MPP2: variants seen among roughly 807,000 people sequenced by gnomAD.
MPP2 encodes MAGUK p55 subfamily member 2.
MPP2 carries 42 observed loss-of-function variants against 58.5 expected under a neutral mutation model. The observed-to-expected ratio is 0.72, with a 90% CI of 0.56 to 0.93. The LOEUF is 0.93. MPP2 is among the 40% of genes least tolerant of loss of function. The pLI, the probability that MPP2 is intolerant of heterozygous loss-of-function variation, is 0.00. For missense variants in MPP2, 632 were observed against 760.4 expected, an observed-to-expected ratio of 0.83 and a Z score of 1.99; for synonymous variants, 300 against 307.8, an observed-to-expected ratio of 0.97 and a Z score of 0.26.
At chr17:43,899,158 A>G (rs1040115134) in intron 2 of MPP2, among the ~76,000 whole-genome samples, 2 of 152,134 alleles carry the variant, frequency 1.3e-5, no homozygotes, top group African/African-American at 4.8e-5. Flanking sequence ...GAGGCAGGAA[A>G]ATCGCTTGAA....
chr17:43,908,734 G>A (rs2048373233), upstream of MPP2, among the ~76,000 whole-genome samples: 1 of 152,128 alleles, frequency 6.6e-6, no homozygotes, highest in African/African-American at 2.4e-5. Flanking sequence ...AAAAGAAATG[G>A]ATTACATTCT....
At chr17:43,900,704 C>T in intron 2 of MPP2, 1 of 1,354,922 alleles carries the variant, frequency 7.4e-7, no homozygotes, top group Non-Finnish European at 9.7e-7. Context: ...CCGTGACCGC[C>T]TTGCTGATTG....
At chr17:43,899,392 CCA>C (rs58467247) in intron 2 of MPP2, among the ~76,000 whole-genome samples, 121,607 of 151,956 alleles carry the variant, frequency 0.8, 49,671 homozygotes, top group East Asian at 1. Flanking sequence ...GAGTACAGGC[CCA>C]GAGTCAAGCA....
chr17:43,881,201 T>A, intron 8 of MPP2, 43 bp from the exon 9 acceptor site: 1 of 1,613,612 alleles, frequency 6.2e-7, no homozygotes, highest in Non-Finnish European at 8.5e-7. Flanking sequence ...CAGGGCCCTG[T>A]TGGATCCCAG....
intron 3 of MPP2, among the ~76,000 whole-genome samples, chr17:43,890,188 A>G (rs2047547719): frequency 6.6e-6 from 1 of 152,142 alleles, no homozygotes; most frequent in African/African-American, 2.4e-5. Context: ...TTCACTTAAC[A>G]TTAAGTGAAC....
intron 3 of MPP2, among the ~76,000 whole-genome samples, chr17:43,889,804 C>A (rs1232962548): frequency 1.1e-5 from 1 of 93,612 alleles, no homozygotes; most frequent in African/African-American, 5.3e-5. Context: ...TGTCCAAATG[C>A]GTTTTTTTTT....
At chr17:43,901,525 C>G in intron 2 of MPP2, 2 of 985,468 alleles carry the variant, frequency 2.0e-6, no homozygotes, top group Non-Finnish European at 2.4e-6. Flanking sequence ...GGTACTGCAG[C>G]CTCCACTCAG....
At chr17:43,904,629 A>G in intron 1 of MPP2, 136 bp from the exon 2 acceptor site, 1 of 657,688 alleles carries the variant, frequency 1.5e-6, no homozygotes, top group Admixed American at 2.5e-5. Context: ...GTTGGAGAAC[A>G]ACAATGATTC....
Position 43,900,768 on chromosome 17 carries a change from G to A in MPP2, c.32-2388C>T, listed in dbSNP as rs559381021. 7 of 393,476 alleles carry A rather than the reference G, an allele frequency of 1.8e-5. No individual in the cohort carries two copies. In the East Asian group the frequency reaches 1.1e-3, roughly 63 times the overall value. 24.4% of individuals were successfully genotyped at this position (393,476 alleles called of 1,614,324 possible). ...GCAGAGCAGGCGGTAACCCGGGTGG[G>A]AGAAGAGTGGTGGGAGGGAGCCCTA... On this transcript the variant is annotated intron_variant, in intron 2 of 12. Transcript: ENST00000269095.
Position 43,882,390 on chromosome 17 carries a change from G to A in MPP2, c.575C>T (p.Pro192Leu). ...CAGTGCGCGGGGGTCACTGCCCACTGGCTGCCCGTTCACCTCCTTGATGAT... is the reference window on the plus strand; with the variant it reads ...CAGTGCGCGGGGGTCACTGCCCACTAGCTGCCCGTTCACCTCCTTGATGAT... ...GDIIKEVNGQ[P>L]VGSDPRALQE... The change falls in exon 6 of 13, where the codon CCA becomes CTA. Residue 192 changes from proline to leucine, a missense_variant. Pro to Leu is a moderately conservative substitution (Grantham distance 98, BLOSUM62 -3). Transcript: ENST00000269095. 1 of 1,611,972 alleles carries A rather than the reference G, an allele frequency of 6.2e-7. No homozygotes were observed. The highest frequency in any genetic ancestry group is 8.5e-7 in the Non-Finnish European group (1 of 1,179,986).
Position 43,905,072 on chromosome 17 carries a change from G to A in MPP2, c.-33-579C>T, listed in dbSNP as rs551398345. Among the ~76,000 whole-genome samples, 36 of 122,938 alleles carry A rather than the reference G, an allele frequency of 2.9e-4. No homozygotes were observed. In the South Asian group the frequency reaches 0.01, roughly 35 times the overall value. 80.7% of individuals were successfully genotyped at this position (122,938 alleles called of 152,430 possible). A position where few individuals can be genotyped will look rare whatever the true frequency, so the allele number is the denominator to read the frequency against. On this transcript the variant is annotated intron_variant, in intron 1 of 12. Coordinates refer to ENST00000269095, the MANE Select transcript of MPP2 (RefSeq NM_005374.5). ...CATGCCTATGATCCCAGCTACTTGT[G>A]GGGCTGAGGCAGGGGGATCTCTTGA...
chr17:43,903,089 C>CAA (rs1319191547), intron 2 of MPP2, among the ~76,000 whole-genome samples: 14 of 152,046 alleles, frequency 9.2e-5, no homozygotes, highest in Non-Finnish European at 1.9e-4. Context: ...ACAGCCTGGC[C>CAA]AACATGGTGA....
rs1028374729 is a variant in MPP2 at position 43,876,279 on chromosome 17, C to G, written c.*1528G>C. On this transcript the variant is annotated 3_prime_UTR_variant, in exon 13 of 13. Transcript: ENST00000269095. ...AAGACTAGTTAGACACTTGGAAGAA[C>G]TGGGAGGCACAAGGGTTTGGACTCA... 1 of 152,622 alleles carries G rather than the reference C, an allele frequency of 6.6e-6. No individual in the cohort carries two copies. The highest frequency in any genetic ancestry group is 2.4e-5 in the African/African-American group (1 of 41,428). The allele number at this position is 152,622 out of a possible 1,614,324, so 9.5% of individuals were successfully genotyped here. A position where few individuals can be genotyped will look rare whatever the true frequency, so the allele number is the denominator to read the frequency against.
intron 3 of MPP2, among the ~76,000 whole-genome samples, chr17:43,893,775 G>A (rs940062298): frequency 6.6e-6 from 1 of 152,146 alleles, no homozygotes; most frequent in South Asian, 2.1e-4. Context: ...ACCCTGATCC[G>A]TGGAAAAATT....
At chr17:43,882,072 G>A (rs960104654) in intron 6 of MPP2, among the ~76,000 whole-genome samples, 1 of 152,256 alleles carries the variant, frequency 6.6e-6, no homozygotes, top group Non-Finnish European at 1.5e-5. Context: ...CTGTGGCTGC[G>A]TGCATAATAC....
chr17:43,906,088 T>C (rs1402008520), intron 1 of MPP2: 3 of 984,798 alleles, frequency 3.0e-6, no homozygotes, highest in Non-Finnish European at 3.6e-6. Flanking sequence ...ACCTGGAGCC[T>C]TCTCCTGGCT....
At chr17:43,883,792 A>G (rs1363879004) in intron 3 of MPP2, among the ~76,000 whole-genome samples, 1 of 152,094 alleles carries the variant, frequency 6.6e-6, no homozygotes, top group African/African-American at 2.4e-5. Context: ...TGGGACTTGA[A>G]CTTGCGTCTC....
At chr17:43,903,562 C>G (rs968919145) in intron 2 of MPP2, among the ~76,000 whole-genome samples, 1 of 152,050 alleles carries the variant, frequency 6.6e-6, no homozygotes, top group Non-Finnish European at 1.5e-5. Context: ...TGGTGCACAC[C>G]TGTAGTCCCA....
chr17:43,879,639 G>C lies in MPP2; in HGVS notation c.1353+143C>G. 7.5e-6 allele frequency: 8 copies of C among 1,066,802 alleles called. No homozygotes were observed. The highest frequency in any genetic ancestry group is 1.1e-5 in the Non-Finnish European group (8 of 737,468). 66.1% of individuals were successfully genotyped at this position (1,066,802 alleles called of 1,614,324 possible). The stretch of plus-strand genomic sequence containing the variant: ...CTCTGGAAGGCTGAGAAAGGTTCCA[G>C]GTGGGCTGGGTTTCTAGCAGTAGTT... On this transcript the variant is annotated intron_variant, in intron 11 of 12. Transcript: ENST00000269095. This position sits in a 1 kb window ranked among gnomAD's most constrained non-coding sequence, Gnocchi z 4.1.
Sources: allele counts gnomAD v4.1 joint callset (sites outside exome capture counted in the v4.1 genomes callset), GRCh38; gene constraint gnomAD v4.1.1; non-coding constraint Gnocchi (gnomAD v3.1); transcripts MANE v1.5; gene names NCBI Gene and HGNC (gene_info 2026-07-23, HGNC 2026-07-21).